MEG3: variants seen among roughly 807,000 people sequenced by gnomAD.
MEG3 encodes Very putative protein from MEG3 locus.
upstream of MEG3, chr14:100,855,484 G>A (rs1026065892): frequency 2.0e-5 from 3 of 152,196 alleles, no homozygotes; most frequent in Non-Finnish European, 4.4e-5. Context: ...CCAGGGTCGG[G>A]GTCAAGAGTA....
downstream of MEG3, chr14:100,832,805 G>T (rs571014700): frequency 6.6e-6 from 1 of 152,428 alleles, no homozygotes; most frequent in African/African-American, 2.4e-5. Context: ...CTTTGGGAAG[G>T]GGGGCGTCGG....
At chr14:100,860,291 G>A (rs933592813) in exon 1 of MEG3, 4 of 230,716 alleles carry the variant, frequency 1.7e-5, no homozygotes, top group East Asian at 1.5e-4. Flanking sequence ...GGAAGAGACC[G>A]AGTTTTAGGA....
In MEG3 at chr14:100,837,518, C is replaced by T. The variant is rs996639401; in HGVS notation, n.3045+1218C>T. Among the ~76,000 whole-genome samples, 1 of 152,130 alleles carries T rather than the reference C, an allele frequency of 6.6e-6. No homozygotes were observed. The highest frequency in any genetic ancestry group is 2.1e-4 in the South Asian group (1 of 4,824). On this transcript the variant is annotated intron_variant and non_coding_transcript_variant, in intron 2 of 3. Coordinates refer to the MEG3 transcript ENST00000398461. The surrounding 1 kb of genome is among the most constrained non-coding windows in gnomAD (Gnocchi z 5.8). ...GAGGGGGCCCTAGCACTGTCCTTGG[C>T]CCAGATGCCAATACTCCCCTCTGGA...
rs141990695 is a variant in MEG3 at position 100,828,151 on chromosome 14, C to G, written n.372-557C>G. ...CTAGCCTGAGACCTGTTGGGCACCC[C>G]CTGTCCATCCAGGCCCGCCGGGCGC... On this transcript the variant is annotated intron_variant and non_coding_transcript_variant, in intron 1 of 2. Transcript: ENST00000556407. Among the ~76,000 whole-genome samples the G allele has an allele frequency of 1.7e-3, 255 of 152,122 alleles. 5 individuals are homozygous for G. In the East Asian group the frequency reaches 0.036, roughly 21 times the overall value.
chr14:100,840,492 G>A (rs963552951), intron 2 of MEG3, among the ~76,000 whole-genome samples: 2 of 124,394 alleles, frequency 1.6e-5, no homozygotes, highest in Non-Finnish European at 3.6e-5. Context: ...TTCAATGGAA[G>A]GTGCCTTTTT....
chr14:100,857,094 AC>A (rs1423233729), upstream of MEG3: 4 of 152,150 alleles, frequency 2.6e-5, no homozygotes, highest in African/African-American at 9.7e-5. Flanking sequence ...TATAACCTTT[AC>A]TAAGAGATTA....
Position 100,857,813 on chromosome 14 carries a change from C to G in MEG3, n.569C>G, listed in dbSNP as rs899523768. The G allele has an allele frequency of 1.6e-4, 25 of 152,116 alleles. 1 individual carries two copies. The highest frequency in any genetic ancestry group is 1.6e-3 in the Admixed American group (25 of 15,278). 9.4% of individuals were successfully genotyped at this position (152,116 alleles called of 1,614,324 possible). A position where few individuals can be genotyped will look rare whatever the true frequency, so the allele number is the denominator to read the frequency against. ...AAACATTCATGTATGCCCCTGCTTT[C>G]GTTTGTTAGGGAGAAGGAGTGGGGT... is the stretch of plus-strand genomic sequence containing the variant. On this transcript the variant is annotated non_coding_transcript_exon_variant, in exon 1 of 2. Transcript: ENST00000398460.
At chr14:100,836,529 T>G (rs535182424) in intron 2 of MEG3, among the ~76,000 whole-genome samples, 1 of 152,102 alleles carries the variant, frequency 6.6e-6, no homozygotes, top group African/African-American at 2.4e-5. Context: ...GATGGCATGC[T>G]GTGGGCCGGC....
chr14:100,831,559 C>A (rs928178033), downstream of MEG3: 2 of 152,596 alleles, frequency 1.3e-5, no homozygotes, highest in African/African-American at 4.8e-5. Flanking sequence ...GTGGCTTAAT[C>A]CTTGTCATGT....
exon 2 of MEG3, chr14:100,860,821 G>T (rs374082670): frequency 1.7e-5 from 7 of 404,488 alleles, no homozygotes; most frequent in African/African-American, 1.0e-4. Flanking sequence ...CCTGGGGTCA[G>T]ACCCGTGGGC....
chr14:100,846,276 G>T (rs1402771329), intron 3 of MEG3: 1 of 152,236 alleles, frequency 6.6e-6, no homozygotes, highest in African/African-American at 2.4e-5. Flanking sequence ...TTCTCATGGG[G>T]ATGGTCATTC....
At chr14:100,836,229 C>A (rs770412637) in exon 2 of MEG3, 2 of 456,470 alleles carry the variant, frequency 4.4e-6, no homozygotes, top group Admixed American at 2.4e-5. Flanking sequence ...GCGGAAGAGG[C>A]CCTGATGGGG....
chr14:100,841,080 G>A (rs939253665), intron 2 of MEG3, among the ~76,000 whole-genome samples: 2 of 152,216 alleles, frequency 1.3e-5, no homozygotes, highest in African/African-American at 4.8e-5. Context: ...GTGGGCAGCT[G>A]CGAGAGAGGG....
chr14:100,841,142 C>T (rs1362831835), intron 2 of MEG3, among the ~76,000 whole-genome samples: 13 of 152,146 alleles, frequency 8.5e-5, no homozygotes, highest in African/African-American at 2.9e-4. Flanking sequence ...CCCAGACTGC[C>T]GTAAGGGTAG....
exon 1 of MEG3, chr14:100,835,102 G>A (rs1233400956): frequency 6.0e-6 from 2 of 331,886 alleles, no homozygotes; most frequent in South Asian, 2.4e-5. Flanking sequence ...GAGGTAGGCC[G>A]GAGGGTGTGA....
downstream of MEG3, chr14:100,832,029 G>GACCGAAGAGAGAAGAAAGAAGTGGA (rs1184188056): frequency 6.6e-6 from 1 of 151,998 alleles, no homozygotes; most frequent in Non-Finnish European, 1.5e-5. Flanking sequence ...CCACGGGGAG[G>GACCGAAGAGAGAAGAAAGAAGTGGA]ACCGAAGAGA....
chr14:100,839,530 G>A (rs1001632515), intron 2 of MEG3, among the ~76,000 whole-genome samples: 1 of 152,194 alleles, frequency 6.6e-6, no homozygotes, highest in African/African-American at 2.4e-5. Context: ...AGAGGGTCTC[G>A]TATGGAGCCC....
chr14:100,842,248 C>T (rs928567080), intron 2 of MEG3, among the ~76,000 whole-genome samples: 13 of 152,114 alleles, frequency 8.5e-5, no homozygotes, highest in Non-Finnish European at 1.3e-4. Flanking sequence ...AGGCTGCCTC[C>T]GCCACTCCAT....
At chr14:100,827,666 G>A (rs2037279755) in intron 1 of MEG3, 2 of 152,502 alleles carry the variant, frequency 1.3e-5, no homozygotes, top group South Asian at 4.1e-4. Flanking sequence ...TTGTTGTGGC[G>A]AAGGAGGGAG....
Sources: allele counts gnomAD v4.1 joint callset (sites outside exome capture counted in the v4.1 genomes callset), GRCh38; gene constraint gnomAD v4.1.1; non-coding constraint Gnocchi (gnomAD v3.1); transcripts MANE v1.5; gene names NCBI Gene and HGNC (gene_info 2026-07-23, HGNC 2026-07-21).